CSDE1: variants seen among roughly 807,000 people sequenced by gnomAD.
CSDE1 encodes the protein cold shock domain containing E1.
In CSDE1, 17 loss-of-function variants were observed where a neutral mutation model predicts 89.3. The ratio of observed to expected loss-of-function variants is 0.19; its 90% confidence interval spans 0.13 to 0.29. The LOEUF (loss-of-function observed/expected upper bound fraction) is 0.29. Among genes scored for constraint, CSDE1 ranks in the 10% least tolerant of loss-of-function variants. The pLI is 1.00. For synonymous variants in CSDE1, 322 were observed against 332.8 expected (o/e 0.97, Z 0.35); for missense variants, 672 against 984.2 (o/e 0.68, Z 4.24).
chr1:114,733,688 T>C lies in CSDE1; in HGVS notation c.837+44A>G, dbSNP rs185688617. 2.0e-5 allele frequency: 31 copies of C among 1,563,660 alleles called. No individual in the cohort carries two copies. In the African/African-American group the frequency reaches 3.9e-4, roughly 20 times the overall value. ...AGTATACCACACCATATTATTCTAT[T>C]ACTACTGAGGCGAAATAGGACTCTC... is the stretch of plus-strand genomic sequence containing the variant. On this transcript the variant is annotated intron_variant, in intron 9 of 19. Transcript: ENST00000358528.
chr1:114,739,726 C>T lies in CSDE1; in HGVS notation c.165G>A (p.Gln55=). ...TTAAGTCTTGCAGGTTGCCATTATA[C>T]TGTGAACAGTGGAAGAAAAGTCTAG... The part of the protein sequence containing the change: ...RQARLFFHCS[Q]YNGNLQDLKV... Residue 55 remains glutamine (Q), a synonymous_variant, in exon 3 of 20, where the codon CAG becomes CAA. Transcript: ENST00000358528. 1 of 1,614,066 alleles carries T rather than the reference C, an allele frequency of 6.2e-7. No individual in the cohort carries two copies. Among genetic ancestry groups the T allele is most frequent in the Non-Finnish European group, 8.5e-7 (1 of 1,179,964 alleles).
Position 114,727,096 on chromosome 1 carries a change from G to A in CSDE1, c.1357-6C>T, listed in dbSNP as rs774948111. On this transcript the variant is annotated splice_region_variant and splice_polypyrimidine_tract_variant and intron_variant, in intron 12 of 19. Coordinates refer to ENST00000358528, the MANE Select transcript of CSDE1 (RefSeq NM_001007553.3). Reference sequence around the variant, plus strand: ...ATAATGCCATCCTCAGCCTCCTAAAGAGATACAGTCAAAAACAGAATGAAA... The same window carrying A: ...ATAATGCCATCCTCAGCCTCCTAAAAAGATACAGTCAAAAACAGAATGAAA... The A allele has an allele frequency of 3.2e-6, 5 of 1,586,310 alleles. No individual in the cohort carries two copies. The Admixed American group carries it at 8.4e-5, about 27-fold the overall frequency.
Position 114,717,337 on chromosome 1 carries a change from A to C in CSDE1, c.*832T>G, listed in dbSNP as rs890250544. The C allele has an allele frequency of 6.6e-6, 1 of 152,610 alleles. No homozygotes were observed. Among genetic ancestry groups the C allele is most frequent in the African/African-American group, 2.4e-5 (1 of 41,436 alleles). 9.5% of individuals were successfully genotyped at this position (152,610 alleles called of 1,614,324 possible). A position where few individuals can be genotyped will look rare whatever the true frequency, so the allele number is the denominator to read the frequency against. Reference sequence around the variant, plus strand: ...TTTTTTTTTGTTTTGTTTTTAAATCAGTAAAAGAAACCGGGTCCTAGAAGC... The same window carrying C: ...TTTTTTTTTGTTTTGTTTTTAAATCCGTAAAAGAAACCGGGTCCTAGAAGC... On this transcript the variant is annotated 3_prime_UTR_variant, in exon 20 of 20. Transcript: ENST00000358528.
chr1:114,734,687 C>A (rs1327752482), intron 6 of CSDE1, among the ~76,000 whole-genome samples, 164 bp from the exon 7 acceptor site: 1 of 152,092 alleles, frequency 6.6e-6, no homozygotes, highest in Non-Finnish European at 1.5e-5. Flanking sequence ...TTTCATATGG[C>A]TTTATATGCA....
At chr1:114,733,709 C>T in intron 9 of CSDE1, 23 bp downstream of exon 9, 1 of 1,607,286 alleles carries the variant, frequency 6.2e-7, no homozygotes. Context: ...CGAAATAGGA[C>T]TCTCCTGAAA....
chr1:114,756,724 G>A (rs1367711008), intron 1 of CSDE1: 1 of 152,144 alleles, frequency 6.6e-6, no homozygotes, highest in Non-Finnish European at 1.5e-5. Context: ...ACTGTTTAAA[G>A]AGCGCCATAT....
At position 114,736,739 on chromosome 1, in the gene CSDE1, T is replaced by G. The variant is rs374797343; in HGVS notation, c.500+19A>C. 454 of 1,553,496 alleles carry G rather than the reference T, an allele frequency of 2.9e-4. No homozygotes were observed. Among genetic ancestry groups the G allele is most frequent in the Non-Finnish European group, 3.8e-4 (430 of 1,137,830 alleles). On this transcript the variant is annotated intron_variant, in intron 6 of 19. Coordinates refer to ENST00000358528, the MANE Select transcript of CSDE1 (RefSeq NM_001007553.3). ...AAAAAAACCGCTTAGGTGAGAAAAT[T>G]TAAAAAAAAAGAACTTACTGTTTAT...
chr1:114,728,764 T>G (rs1052648083), intron 12 of CSDE1, among the ~76,000 whole-genome samples: 10 of 152,250 alleles, frequency 6.6e-5, no homozygotes, highest in Admixed American at 1.3e-4. Context: ...CAATCATTTT[T>G]GAAATTTAAA....
chr1:114,729,290 G>A (rs560019708), intron 12 of CSDE1, among the ~76,000 whole-genome samples: 1 of 151,722 alleles, frequency 6.6e-6, no homozygotes, highest in South Asian at 2.1e-4. Context: ...TAGTAGAGAT[G>A]GGGTTTCACC....
At chr1:114,724,781 T>C (rs771429908) in intron 15 of CSDE1, among the ~76,000 whole-genome samples, 2 of 152,072 alleles carry the variant, frequency 1.3e-5, no homozygotes, top group African/African-American at 4.8e-5. Context: ...AGTGCAGTGG[T>C]AGGATCATCA....
intron 7 of CSDE1, 41 bp from the exon 8 acceptor site, chr1:114,734,158 G>T (rs1397780727): frequency 4.4e-6 from 7 of 1,578,438 alleles, no homozygotes; most frequent in Non-Finnish European, 6.0e-6. Flanking sequence ...TTACCACTCT[G>T]TACAAATTTA....
chr1:114,729,494 C>T (rs905709143), intron 12 of CSDE1, among the ~76,000 whole-genome samples: 4 of 130,908 alleles, frequency 3.1e-5, no homozygotes, highest in African/African-American at 8.7e-5. Context: ...CCCTCACCAA[C>T]AAAAACCCAC....
At chr1:114,729,091 A>G (rs541302804) in intron 12 of CSDE1, among the ~76,000 whole-genome samples, 100 of 152,086 alleles carry the variant, frequency 6.6e-4, no homozygotes, top group Non-Finnish European at 9.9e-4. Context: ...CTTGAAGTAC[A>G]GAACAAGGTC....
In CSDE1 at chr1:114,719,656, T is replaced by A; in HGVS notation, c.2139A>T (p.Ala713=). The A allele has an allele frequency of 6.2e-7, 1 of 1,614,094 alleles. No homozygotes were observed. The change falls in exon 18 of 20, where the codon GCA becomes GCT. Residue 713 remains alanine (A), a synonymous_variant. Transcript: ENST00000358528. ...KEVQDGIELQ[A]GDEVEFSVIL... is the part of the protein sequence containing the mutation. ...TCACTGAGAACTCCACCTCATCTCC[T>A]GCCTGTAGCTCAATGCCATCCTGAA...
chr1:114,751,670 G>A (rs1661314932), intron 1 of CSDE1, among the ~76,000 whole-genome samples: 2 of 151,178 alleles, frequency 1.3e-5, no homozygotes, highest in Admixed American at 6.6e-5. Context: ...CAGGGTAATG[G>A]TGCTCAAATA....
At chr1:114,731,163 A>T (rs1446142554) in intron 10 of CSDE1, among the ~76,000 whole-genome samples, 4 of 152,012 alleles carry the variant, frequency 2.6e-5, no homozygotes, top group African/African-American at 9.7e-5. Flanking sequence ...TACTGTATCA[A>T]GAGTACCTGG....
At chr1:114,719,383 G>A (rs981601600) in intron 18 of CSDE1, among the ~76,000 whole-genome samples, 196 bp downstream of exon 18, 4 of 152,154 alleles carry the variant, frequency 2.6e-5, no homozygotes, top group African/African-American at 9.7e-5. Context: ...ATGACTTAAT[G>A]GAAGAAGAAG....
chr1:114,742,995 C>T (rs1290973201), intron 2 of CSDE1, among the ~76,000 whole-genome samples: 3 of 152,282 alleles, frequency 2.0e-5, no homozygotes, highest in Admixed American at 6.5e-5. Context: ...AATGCAGACA[C>T]AGAATTATAA....
At chr1:114,741,765 C>T (rs529250376) in intron 2 of CSDE1, 46 of 917,508 alleles carry the variant, frequency 5.0e-5, no homozygotes, top group Admixed American at 7.6e-5. Flanking sequence ...TTGGGTTTAG[C>T]GAAATATAAA....
Sources: allele counts gnomAD v4.1 joint callset (sites outside exome capture counted in the v4.1 genomes callset), GRCh38; gene constraint gnomAD v4.1.1; transcripts MANE v1.5; gene names NCBI Gene and HGNC (gene_info 2026-07-23, HGNC 2026-07-21).